The following TRAPPC12 variants were observed in gnomAD, a reference collection of about 807,000 sequenced individuals.
TRAPPC12 encodes TPR repeat protein 15.
In TRAPPC12, 61 loss-of-function variants were observed where a neutral mutation model predicts 69.2. That is an observed-to-expected ratio of 0.88 (90% CI 0.72 to 1.09). The LOEUF (loss-of-function observed/expected upper bound fraction) is 1.09, where lower values mean the gene tolerates loss of function less well. Ranked by LOEUF, TRAPPC12 falls within the 50% of genes least tolerant of loss-of-function variation. The pLI, the probability that TRAPPC12 is intolerant of heterozygous loss-of-function variation, is 0.00. For missense variants in TRAPPC12, 1,101 were observed against 1,016.4 expected (o/e 1.08, Z -1.13); for synonymous variants, 469 against 438.9 (o/e 1.07, Z -0.86).
intron 3 of TRAPPC12, among the ~76,000 whole-genome samples, chr2:3,421,456 G>C (rs1558369144): frequency 1.3e-5 from 2 of 152,180 alleles, no homozygotes; most frequent in African/African-American, 4.8e-5. Context: ...AAATCTTACA[G>C]ATACAAATAA....
chr2:3,470,248 C>A (rs1174468348), intron 9 of TRAPPC12, among the ~76,000 whole-genome samples: 1 of 152,256 alleles, frequency 6.6e-6, no homozygotes, highest in East Asian at 1.9e-4. Flanking sequence ...AGCAGAGCTT[C>A]TCTGCGGAGA....
At chr2:3,448,792 C>G (rs766370244) in intron 6 of TRAPPC12, among the ~76,000 whole-genome samples, 24 of 152,160 alleles carry the variant, frequency 1.6e-4, no homozygotes, top group Admixed American at 7.2e-4. Context: ...GGGCGTGTGC[C>G]GGGAGCACAA....
chr2:3,460,303 G>A lies in TRAPPC12; in HGVS notation c.1644G>A (p.Met548Ile), dbSNP rs748599705. The change falls in exon 8 of 12, where the codon ATG becomes ATA. Residue 548 changes from methionine to isoleucine, a missense_variant. Coordinates refer to ENST00000324266, the MANE Select transcript of TRAPPC12 (RefSeq NM_016030.6). ...GGAGGTCACGTCTGGGCCGGGTGATGTACTCCATGGCAAACTGTCTGCTCC... is the reference window on the plus strand; with the variant it reads ...GGAGGTCACGTCTGGGCCGGGTGATATACTCCATGGCAAACTGTCTGCTCC... Reference protein sequence around the residue: ...RLWRSRLGRVMYSMANCLLLM... With the variant: ...RLWRSRLGRVIYSMANCLLLM... The A allele has an allele frequency of 3.4e-6, 3 of 874,562 alleles. No individual in the cohort carries two copies. The highest frequency in any genetic ancestry group is 6.0e-6 in the Non-Finnish European group (3 of 503,110). The allele number at this position is 874,562 out of a possible 1,614,324, so 54.2% of individuals were successfully genotyped here.
intron 6 of TRAPPC12, among the ~76,000 whole-genome samples, chr2:3,444,974 G>A (rs1336515364): frequency 6.6e-6 from 1 of 152,034 alleles, no homozygotes; most frequent in African/African-American, 2.4e-5. Context: ...CTTAAAACGG[G>A]GTTTAATTTT....
intron 6 of TRAPPC12, among the ~76,000 whole-genome samples, chr2:3,446,922 G>C (rs1283954557): frequency 6.6e-6 from 1 of 152,216 alleles, no homozygotes; most frequent in Non-Finnish European, 1.5e-5. Context: ...AAAAGGGACA[G>C]TTTGTGTTCA....
chr2:3,421,709 A>G (rs913460882), intron 3 of TRAPPC12, 172 bp from the exon 4 acceptor site: 80 of 722,040 alleles, frequency 1.1e-4, no homozygotes, highest in Non-Finnish European at 2.0e-4. Flanking sequence ...GCGTTGACAA[A>G]TGGCATGCCC....
intron 1 of TRAPPC12, among the ~76,000 whole-genome samples, chr2:3,381,054 G>A (rs6706868): frequency 0.52 from 79,387 of 152,016 alleles, 20,744 homozygotes; most frequent in Admixed American, 0.54. Flanking sequence ...TTGGCAGAAA[G>A]CGCTGTGTGG....
chr2:3,449,947 A>G (rs1234078273), intron 6 of TRAPPC12, among the ~76,000 whole-genome samples: 1 of 152,136 alleles, frequency 6.6e-6, no homozygotes, highest in Non-Finnish European at 1.5e-5. Context: ...TTTGCCATTG[A>G]AGCCCATGCT....
chr2:3,381,489 A>G (rs141725750), intron 1 of TRAPPC12, among the ~76,000 whole-genome samples: 58 of 152,346 alleles, frequency 3.8e-4, no homozygotes, highest in African/African-American at 1.3e-3. Context: ...ACAAGGAGAA[A>G]GTCAGATTTC....
chr2:3,397,924 G>A (rs1364987029), intron 2 of TRAPPC12, among the ~76,000 whole-genome samples: 1 of 152,174 alleles, frequency 6.6e-6, no homozygotes, highest in East Asian at 1.9e-4. Flanking sequence ...GGTCCAAAAA[G>A]TGCCATTGGG....
rs909707618 is a variant in TRAPPC12, at chr2:3,459,962, T to G, written c.1604-301T>G. On this transcript the variant is annotated intron_variant, in intron 7 of 11. Coordinates refer to ENST00000324266, the MANE Select transcript of TRAPPC12 (RefSeq NM_016030.6). Reference sequence around the variant, plus strand: ...TGCTCCTTTTCTCAGGGTTCTGGCTTTGGAAACGGGGCCCCCGGTCGGACC... The same window carrying G: ...TGCTCCTTTTCTCAGGGTTCTGGCTGTGGAAACGGGGCCCCCGGTCGGACC... 14 of 486,188 alleles carry G rather than the reference T, an allele frequency of 2.9e-5. No homozygotes were observed. The Admixed American group carries it at 5.0e-4, about 17-fold the overall frequency. The allele number at this position is 486,188 out of a possible 1,614,324, so 30.1% of individuals were successfully genotyped here.
At chr2:3,423,176 A>T (rs905536493) in intron 4 of TRAPPC12, among the ~76,000 whole-genome samples, 1 of 152,236 alleles carries the variant, frequency 6.6e-6, no homozygotes, top group Admixed American at 6.5e-5. Context: ...AAACGGAGCT[A>T]GTCAAGAGCT....
chr2:3,424,269 ACT>A (rs746651386), intron 4 of TRAPPC12, among the ~76,000 whole-genome samples: 3 of 152,120 alleles, frequency 2.0e-5, no homozygotes, highest in Non-Finnish European at 2.9e-5. Context: ...CCCAGGCTGG[ACT>A]CAGACTCCTG....
At chr2:3,402,005 A>T in intron 3 of TRAPPC12, 112 bp downstream of exon 3, 2 of 752,498 alleles carry the variant, frequency 2.7e-6, no homozygotes, top group Non-Finnish European at 4.2e-6. Flanking sequence ...GCTCTTGCAC[A>T]TAAGTAGAAT....
At chr2:3,406,968 A>G (rs1356530724) in intron 3 of TRAPPC12, among the ~76,000 whole-genome samples, 4 of 152,240 alleles carry the variant, frequency 2.6e-5, no homozygotes, top group African/African-American at 9.6e-5. Flanking sequence ...GAGCTTACGT[A>G]AGGTGAAAAA....
In TRAPPC12 at chr2:3,379,730, G is replaced by C. The variant is rs1441519804; in HGVS notation, c.-151G>C. Reference sequence around the variant, plus strand: ...CTGCATCGGGCCTGAGCAGAACTAGGCGCGCCGCGGCCCGGCACGCGCAGG... The same window carrying C: ...CTGCATCGGGCCTGAGCAGAACTAGCCGCGCCGCGGCCCGGCACGCGCAGG... On this transcript the variant is annotated 5_prime_UTR_variant, in exon 1 of 12. Transcript: ENST00000324266. 6.6e-6 allele frequency: 1 copy of C among 152,318 alleles called. No individual in the cohort carries two copies. Among genetic ancestry groups the C allele is most frequent in the Non-Finnish European group, 1.5e-5 (1 of 68,110 alleles). 9.4% of individuals were successfully genotyped at this position (152,318 alleles called of 1,614,324 possible).
chr2:3,388,424 GCCC>G lies in TRAPPC12; in HGVS notation c.803_805del (p.Pro268del). 6.2e-7 allele frequency: 1 copy of G among 1,606,050 alleles called. No homozygotes were observed. Among genetic ancestry groups the G allele is most frequent in the Non-Finnish European group, 8.5e-7 (1 of 1,176,664 alleles). ...GCCCCGAACCCGTGGCCATGCGAGG[GCCC>G]CAGGCAGCTGCGCCCCCGGCGTCGC... is the stretch of plus-strand genomic sequence containing the variant. On this transcript the variant is annotated inframe_deletion, in exon 2 of 12. Coordinates refer to ENST00000324266, the MANE Select transcript of TRAPPC12 (RefSeq NM_016030.6).
chr2:3,388,712 C>G (rs1363298381), intron 2 of TRAPPC12, 42 bp downstream of exon 2: 1 of 1,484,604 alleles, frequency 6.7e-7, no homozygotes, highest in Non-Finnish European at 9.0e-7. Context: ...TGCCTCCTCT[C>G]TGCGTCTGTG....
In TRAPPC12 at chr2:3,479,420, G is replaced by A; in HGVS notation, c.2167G>A (p.Glu723Lys). Reference protein sequence around the residue: ...QALLEAVAGKEGDSFNTQCLK... With the variant: ...QALLEAVAGKKGDSFNTQCLK... ...CCTGCTGGAGGCTGTCGCCGGCAAGGAGGGGGACAGCTTCAACACACAGTG... is the reference window on the plus strand; with the variant it reads ...CCTGCTGGAGGCTGTCGCCGGCAAGAAGGGGGACAGCTTCAACACACAGTG... Residue 723 changes from glutamate to lysine, a missense_variant, in exon 12 of 12, where the codon GAG (glutamate) becomes AAG (lysine). Coordinates refer to ENST00000324266, the MANE Select transcript of TRAPPC12 (RefSeq NM_016030.6). 1 of 1,614,120 alleles carries A rather than the reference G, an allele frequency of 6.2e-7. No homozygotes were observed. The highest frequency in any genetic ancestry group is 1.1e-5 in the South Asian group (1 of 91,084).
Sources: allele counts gnomAD v4.1 joint callset (sites outside exome capture counted in the v4.1 genomes callset), GRCh38; gene constraint gnomAD v4.1.1; transcripts MANE v1.5; gene names NCBI Gene and HGNC (gene_info 2026-07-23, HGNC 2026-07-21).